Variants in NKAIN3 observed in about 807,000 individuals in gnomAD.
The protein encoded by NKAIN3 is sodium/potassium transporting ATPase interacting 3.
Under a neutral mutation model 30.2 loss-of-function variants are expected in NKAIN3, and 25 were observed. That is an observed-to-expected ratio of 0.83 (90% CI 0.60 to 1.16). NKAIN3 has a LOEUF of 1.16. NKAIN3 is among the 50% of genes most tolerant of loss of function. NKAIN3 has a pLI of 0.00. For missense variants in NKAIN3, 225 were observed against 254.1 expected (o/e 0.89, Z 0.78); for synonymous variants, 91 against 89.6 (o/e 1.02, Z -0.09).
intron 1 of NKAIN3, among the ~76,000 whole-genome samples, chr8:62,356,180 C>T (rs772197861): frequency 1.3e-5 from 2 of 152,098 alleles, no homozygotes; most frequent in Non-Finnish European, 2.9e-5. Context: ...GGGTCCTGGA[C>T]CATAAGTCAC....
intron 4 of NKAIN3, among the ~76,000 whole-genome samples, chr8:62,770,720 A>G (rs1370023071): frequency 6.6e-6 from 1 of 152,118 alleles, no homozygotes; most frequent in East Asian, 1.9e-4. Context: ...CCACTAAGTT[A>G]TGCAGACTTA....
intron 1 of NKAIN3, among the ~76,000 whole-genome samples, chr8:62,384,998 T>C (rs1817381767): frequency 1.3e-5 from 2 of 152,176 alleles, no homozygotes; most frequent in African/African-American, 4.8e-5. Context: ...AAGTGCCTAG[T>C]AGATATCTGC....
At chr8:62,298,841 A>G (rs531238891) in intron 1 of NKAIN3, among the ~76,000 whole-genome samples, 79 of 149,518 alleles carry the variant, frequency 5.3e-4, no homozygotes, top group African/African-American at 1.8e-3. Flanking sequence ...ACATATATTA[A>G]TAATTATATT....
chr8:62,261,088 C>T (rs1465084288), intron 1 of NKAIN3, among the ~76,000 whole-genome samples: 2 of 152,110 alleles, frequency 1.3e-5, no homozygotes, highest in Non-Finnish European at 2.9e-5. Context: ...TATCACCAGG[C>T]AGGGGCTTTC....
intron 4 of NKAIN3, among the ~76,000 whole-genome samples, chr8:62,881,405 C>A (rs771802824): frequency 9.9e-5 from 15 of 152,144 alleles, no homozygotes; most frequent in Non-Finnish European, 2.1e-4. Flanking sequence ...AGACTAGCTC[C>A]TTTCACTTAG....
At chr8:62,891,757 C>T (rs1821303550) in intron 4 of NKAIN3, among the ~76,000 whole-genome samples, 1 of 152,128 alleles carries the variant, frequency 6.6e-6, no homozygotes, top group Admixed American at 6.6e-5. Context: ...TCAAAAGCCA[C>T]AAGATATAGT....
intron 5 of NKAIN3, among the ~76,000 whole-genome samples, chr8:62,928,515 CAG>C: frequency 6.6e-6 from 1 of 152,280 alleles, no homozygotes; most frequent in East Asian, 1.9e-4. Flanking sequence ...AAGCTTGTGT[CAG>C]AGACTGGCTG....
intron 1 of NKAIN3, among the ~76,000 whole-genome samples, chr8:62,562,952 G>A (rs984982414): frequency 6.6e-6 from 1 of 152,112 alleles, no homozygotes; most frequent in African/African-American, 2.4e-5. Flanking sequence ...TCTCATGCTG[G>A]GTTGCCATTT....
intron 3 of NKAIN3, among the ~76,000 whole-genome samples, chr8:62,599,647 T>C (rs1484571082): frequency 6.6e-6 from 1 of 152,038 alleles, no homozygotes; most frequent in Non-Finnish European, 1.5e-5. Flanking sequence ...AGGGAAGAAT[T>C]GTAGGACTGA....
At chr8:62,849,894 G>A (rs1205483707) in intron 4 of NKAIN3, among the ~76,000 whole-genome samples, 1 of 152,024 alleles carries the variant, frequency 6.6e-6, no homozygotes, top group Non-Finnish European at 1.5e-5. Context: ...TTGCTATTGT[G>A]AATAGTGCTG....
intron 4 of NKAIN3, among the ~76,000 whole-genome samples, chr8:62,876,535 T>C (rs767036684): frequency 3.3e-5 from 5 of 152,156 alleles, no homozygotes; most frequent in Non-Finnish European, 7.3e-5. Context: ...GCAGCACTAT[T>C]TACAATAGCA....
intron 1 of NKAIN3, among the ~76,000 whole-genome samples, chr8:62,487,974 T>C (rs1270794850): frequency 6.6e-6 from 1 of 152,186 alleles, no homozygotes; most frequent in African/African-American, 2.4e-5. Flanking sequence ...CTTATTAGAT[T>C]TCTAGAAAGG....
intron 1 of NKAIN3, among the ~76,000 whole-genome samples, chr8:62,290,224 T>C (rs999821352): frequency 6.6e-6 from 1 of 152,218 alleles, no homozygotes; most frequent in Admixed American, 6.5e-5. Flanking sequence ...CCTAATTGCA[T>C]ATCCTTTATT....
At chr8:62,272,662 C>G (rs901717561) in intron 1 of NKAIN3, among the ~76,000 whole-genome samples, 22 of 152,066 alleles carry the variant, frequency 1.4e-4, no homozygotes, top group African/African-American at 5.3e-4. Context: ...CCCATGTTGC[C>G]CATCTGGTTA....
intron 3 of NKAIN3, among the ~76,000 whole-genome samples, chr8:62,641,446 G>A (rs1458409790): frequency 6.6e-6 from 1 of 152,136 alleles, no homozygotes; most frequent in African/African-American, 2.4e-5. Flanking sequence ...AGTTAGCTAT[G>A]AAATACCTTA....
At chr8:62,476,668 G>T (rs1806529352) in intron 1 of NKAIN3, among the ~76,000 whole-genome samples, 1 of 151,974 alleles carries the variant, frequency 6.6e-6, no homozygotes, top group South Asian at 2.1e-4. Context: ...TGTTGGCCAG[G>T]GTGGTCTCGA....
intron 1 of NKAIN3, among the ~76,000 whole-genome samples, chr8:62,430,308 T>C (rs765123664): frequency 5.7e-4 from 87 of 151,790 alleles, no homozygotes; most frequent in Non-Finnish European, 9.7e-4. Context: ...ACTGCTGTGA[T>C]ATTATTCATA....
intron 1 of NKAIN3, among the ~76,000 whole-genome samples, chr8:62,323,580 A>T (rs758349897): frequency 4.6e-5 from 7 of 152,028 alleles, no homozygotes; most frequent in Non-Finnish European, 8.8e-5. Context: ...AAAGTTGTGG[A>T]TTTTGCCATC....
chr8:62,400,456 G>A (rs1817903733), intron 1 of NKAIN3, among the ~76,000 whole-genome samples: 1 of 152,162 alleles, frequency 6.6e-6, no homozygotes, highest in Non-Finnish European at 1.5e-5. Context: ...ACAGGCATGA[G>A]TCATGACACC....
Sources: allele counts gnomAD v4.1 joint callset (sites outside exome capture counted in the v4.1 genomes callset), GRCh38; gene constraint gnomAD v4.1.1; transcripts MANE v1.5; gene names NCBI Gene and HGNC (gene_info 2026-07-23, HGNC 2026-07-21).